The following VPS26C variants were observed in gnomAD, a reference collection of about 807,000 sequenced individuals.
VPS26C encodes vacuolar protein sorting-associated protein 26C.
Under a neutral mutation model 30.6 loss-of-function variants are expected in VPS26C, and 19 were observed. The ratio of observed to expected loss-of-function variants is 0.62; its 90% CI spans 0.43 to 0.91. The LOEUF (loss-of-function observed/expected upper bound fraction) is 0.91. VPS26C is among the 40% of genes least tolerant of loss of function. The probability of loss-of-function intolerance (pLI) is 0.00; values close to 1 mark genes in which losing one functional copy is unlikely to be tolerated. For missense variants in VPS26C, 318 were observed against 385.1 expected (o/e 0.83, Z 1.46); for synonymous variants, 132 against 151.5 (o/e 0.87, Z 0.95).
intron 1 of VPS26C, among the ~76,000 whole-genome samples, chr21:37,265,465 G>A (rs1303036050): frequency 6.6e-6 from 1 of 151,940 alleles, no homozygotes; most frequent in Admixed American, 6.6e-5. Context: ...TTCAGCATGT[G>A]GAGTATTCTA....
In VPS26C at chr21:37,233,846, G is replaced by A. The variant is rs576690348; in HGVS notation, c.352-404C>T. On this transcript the variant is annotated intron_variant, in intron 3 of 7. Transcript: ENST00000309117. The surrounding 1 kb of genome is among the most constrained non-coding windows in gnomAD (Gnocchi z 5.2). Reference sequence around the variant, plus strand: ...CCCAGACAGATAACACAACTTGTCTGAGCTTCTGCTTCCCTTCTGTAGAAT... The same window carrying A: ...CCCAGACAGATAACACAACTTGTCTAAGCTTCTGCTTCCCTTCTGTAGAAT... Among the ~76,000 whole-genome samples, 1 of 152,300 alleles carries A rather than the reference G, an allele frequency of 6.6e-6. No homozygotes were observed. The highest frequency in any genetic ancestry group is 2.4e-5 in the African/African-American group (1 of 41,562).
intron 6 of VPS26C, 39 bp downstream of exon 6, chr21:37,228,184 G>A: frequency 6.3e-7 from 1 of 1,597,660 alleles, no homozygotes; most frequent in Non-Finnish European, 8.5e-7. Flanking sequence ...GCAGTCGAGG[G>A]GGACAGGCAA....
chr21:37,267,214 T>TCCCCCCCCCCCCCCCCCCCCTA, intron 1 of VPS26C, 24 bp downstream of exon 1: 1 of 457,114 alleles, frequency 2.2e-6, no homozygotes, highest in Non-Finnish European at 4.2e-6. Context: ...CCCACCTCCA[T>TCCCCCCCCCCCCCCCCCCCCTA]CCCCACCCCC....
chr21:37,233,213 C>T lies in VPS26C; in HGVS notation c.432+149G>A, dbSNP rs902039487. The T allele has an allele frequency of 2.2e-5, 15 of 675,640 alleles. No homozygotes were observed. The highest frequency in any genetic ancestry group is 3.6e-5 in the African/African-American group (2 of 55,920). The allele number at this position is 675,640 out of a possible 1,614,324, so 41.9% of individuals were successfully genotyped here. A position where few individuals can be genotyped will look rare whatever the true frequency, so the allele number is the denominator to read the frequency against. On this transcript the variant is annotated intron_variant, in intron 4 of 7. Coordinates refer to ENST00000309117, the MANE Select transcript of VPS26C (RefSeq NM_006052.2). This position sits in a 1 kb window ranked among gnomAD's most constrained non-coding sequence, Gnocchi z 5.2. ...GATGCACACGTGATGCGCATGCCAC[C>T]GACTGTCTCTGACCCAGAAGTCTTG...
chr21:37,265,702 C>G (rs1202457129), intron 1 of VPS26C, among the ~76,000 whole-genome samples: 3 of 152,048 alleles, frequency 2.0e-5, no homozygotes, highest in Non-Finnish European at 4.4e-5. Context: ...TTTGGATATT[C>G]CTTATTGTTT....
chr21:37,262,382 T>C lies in VPS26C; in HGVS notation c.57+4856A>G, dbSNP rs530093063. The stretch of plus-strand genomic sequence containing the variant: ...AGAAGGGCCCCCAGCTTCTCCCTTT[T>C]CCCCCCAGATGACTATACCCTACTT... On this transcript the variant is annotated intron_variant, in intron 1 of 7. Coordinates refer to ENST00000309117, the MANE Select transcript of VPS26C (RefSeq NM_006052.2). Among the ~76,000 whole-genome samples, 2 of 152,000 alleles carry C rather than the reference T, an allele frequency of 1.3e-5. 1 individual carries two copies. Among genetic ancestry groups the C allele is most frequent in the South Asian group, 4.1e-4 (2 of 4,826 alleles).
chr21:37,235,902 T>C (rs1362950116), intron 3 of VPS26C, among the ~76,000 whole-genome samples: 1 of 148,840 alleles, frequency 6.7e-6, no homozygotes, highest in Non-Finnish European at 1.5e-5. Context: ...ATTAAAAAAT[T>C]TTTTTCTTAA....
chr21:37,238,575 A>G lies in VPS26C; in HGVS notation c.236T>C (p.Val79Ala). Residue 79 changes from valine to alanine, a missense_variant, in exon 3 of 8, where the codon GTG becomes GCG. Transcript: ENST00000309117. ...GCCGCTGGGAAATTTCCCCGGCTTC[A>G]CCATTTCTATGGTGCTGTTGATAAT... ...IQIINSTIEM[V>A]KPGKFPSGKT... is the part of the protein sequence containing the mutation. 3 of 1,614,200 alleles carry G rather than the reference A, an allele frequency of 1.9e-6. No homozygotes were observed. The highest frequency in any genetic ancestry group is 1.1e-5 in the South Asian group (1 of 91,088).
chr21:37,258,716 G>A (rs2086273212), intron 1 of VPS26C, among the ~76,000 whole-genome samples: 2 of 152,232 alleles, frequency 1.3e-5, no homozygotes, highest in South Asian at 4.1e-4. Context: ...GCCCACCACC[G>A]TGGCCGAGGG....
At chr21:37,243,837 C>T (rs554815041) in intron 1 of VPS26C, among the ~76,000 whole-genome samples, 3 of 152,334 alleles carry the variant, frequency 2.0e-5, no homozygotes, top group African/African-American at 4.8e-5. Context: ...CACCCCACTC[C>T]GTGTCCCCCT....
intron 1 of VPS26C, among the ~76,000 whole-genome samples, chr21:37,259,547 T>C (rs935204995): frequency 3.3e-5 from 5 of 152,190 alleles, no homozygotes; most frequent in African/African-American, 1.2e-4. Context: ...TACAGAAAGA[T>C]TTACTGCAGG....
intron 1 of VPS26C, among the ~76,000 whole-genome samples, chr21:37,251,872 A>C (rs1023706311): frequency 6.6e-6 from 1 of 152,206 alleles, no homozygotes; most frequent in Non-Finnish European, 1.5e-5. Flanking sequence ...TCTTTGGGTT[A>C]GTTCTTATTT....
intron 1 of VPS26C, among the ~76,000 whole-genome samples, chr21:37,258,587 A>T (rs1480456680): frequency 1.3e-5 from 2 of 152,188 alleles, no homozygotes; most frequent in Non-Finnish European, 2.9e-5. Flanking sequence ...CAGAAGGTGT[A>T]GGCTGCAGGT....
intron 1 of VPS26C, among the ~76,000 whole-genome samples, chr21:37,263,131 G>C (rs1395476337): frequency 6.6e-6 from 1 of 151,752 alleles, no homozygotes; most frequent in Non-Finnish European, 1.5e-5. Flanking sequence ...AAATCATTTT[G>C]TCAGTGAGTA....
chr21:37,260,502 C>T (rs2086292963), intron 1 of VPS26C, among the ~76,000 whole-genome samples: 1 of 152,004 alleles, frequency 6.6e-6, no homozygotes, highest in Non-Finnish European at 1.5e-5. Flanking sequence ...GGCAACATAG[C>T]GTGATTTCAT....
At chr21:37,240,040 T>C (rs376096139) in intron 2 of VPS26C, among the ~76,000 whole-genome samples, 19 of 152,188 alleles carry the variant, frequency 1.2e-4, no homozygotes, top group East Asian at 7.7e-4. Context: ...GATTAGTAAA[T>C]ATCAGAAGTG....
chr21:37,248,178 C>A (rs2086156079), intron 1 of VPS26C, among the ~76,000 whole-genome samples: 1 of 151,988 alleles, frequency 6.6e-6, no homozygotes, highest in African/African-American at 2.4e-5. Flanking sequence ...AACAAGGATA[C>A]AGAAGACCTA....
chr21:37,226,999 G>C lies in VPS26C; in HGVS notation c.811+655C>G, dbSNP rs2085906567. ...GAGTTAAAAACATGGAAATGTTCAT[G>C]ATACAATGTTAAGGGAAAAAGGCAG... On this transcript the variant is annotated intron_variant, in intron 7 of 7. Transcript: ENST00000309117. This position sits in a 1 kb window ranked among gnomAD's most constrained non-coding sequence, Gnocchi z 4.1. 6.6e-6 allele frequency: 1 copy of C among 152,248 alleles called. No individual in the cohort carries two copies. The highest frequency in any genetic ancestry group is 2.1e-4 in the South Asian group (1 of 4,836). The allele number at this position is 152,248 out of a possible 1,614,324, so 9.4% of individuals were successfully genotyped here. A position where few individuals can be genotyped will look rare whatever the true frequency, so the allele number is the denominator to read the frequency against.
chr21:37,245,542 C>A (rs2086129190), intron 1 of VPS26C, among the ~76,000 whole-genome samples: 1 of 152,184 alleles, frequency 6.6e-6, no homozygotes, highest in Non-Finnish European at 1.5e-5. Flanking sequence ...CATTATCCCC[C>A]CTCCCTGACT....
Sources: allele counts gnomAD v4.1 joint callset (sites outside exome capture counted in the v4.1 genomes callset), GRCh38; gene constraint gnomAD v4.1.1; non-coding constraint Gnocchi (gnomAD v3.1); transcripts MANE v1.5; gene names NCBI Gene and HGNC (gene_info 2026-07-23, HGNC 2026-07-21).